GNG2: variants seen among roughly 807,000 people sequenced by gnomAD.
The protein encoded by GNG2 is guanine nucleotide-binding protein G(I)/G(S)/G(O) subunit gamma-2.
A neutral mutation model predicts 5.5 loss-of-function variants in GNG2; 5 were observed. That is an observed-to-expected ratio of 0.91 (90% CI 0.48 to 1.92). GNG2 has a LOEUF of 1.92. GNG2 is among the 30% of genes most tolerant of loss of function. The probability of loss-of-function intolerance (pLI) is 0.01; values close to 1 mark genes in which losing one functional copy is unlikely to be tolerated. For synonymous variants in GNG2, 28 were observed against 32.0 expected (o/e 0.88, Z 0.42); for missense variants, 55 against 88.4 (o/e 0.62, Z 1.52).
chr14:51,870,003 G>C (rs116717221), intron 1 of GNG2, among the ~76,000 whole-genome samples: 2,236 of 152,240 alleles, frequency 0.015, 65 homozygotes, highest in African/African-American at 0.051. Context: ...AAAAGGGTCT[G>C]GTTCTATTAG....
intron 2 of GNG2, among the ~76,000 whole-genome samples, chr14:51,852,863 G>A (rs549401886): frequency 4.6e-5 from 7 of 152,224 alleles, no homozygotes; most frequent in Admixed American, 1.3e-4. Context: ...AATTGACAAC[G>A]CTTTCCTTCA....
At chr14:51,864,341 G>T (rs1882727871) in intron 1 of GNG2, among the ~76,000 whole-genome samples, 1 of 151,966 alleles carries the variant, frequency 6.6e-6, no homozygotes, top group African/African-American at 2.4e-5. Flanking sequence ...CATATTCCTT[G>T]CTGATGTTTT....
intron 1 of GNG2, among the ~76,000 whole-genome samples, chr14:51,871,843 C>A (rs978754789): frequency 6.6e-6 from 1 of 152,164 alleles, no homozygotes; most frequent in Non-Finnish European, 1.5e-5. Flanking sequence ...TGGGTTTGTG[C>A]TGTTTGTTCA....
intron 3 of GNG2, among the ~76,000 whole-genome samples, chr14:51,959,675 A>T (rs1889476408): frequency 6.6e-6 from 1 of 151,984 alleles, no homozygotes; most frequent in South Asian, 2.1e-4. Flanking sequence ...TTAGAATGTA[A>T]GTCAATGGGT....
At chr14:51,914,535 G>T (rs1039020800) in intron 2 of GNG2, among the ~76,000 whole-genome samples, 1 of 152,186 alleles carries the variant, frequency 6.6e-6, no homozygotes, top group South Asian at 2.1e-4. Context: ...CGGCAGTTTT[G>T]TATCTATTTA....
intron 2 of GNG2, among the ~76,000 whole-genome samples, chr14:51,838,458 G>T (rs2884135): frequency 2.6e-5 from 4 of 151,744 alleles, no homozygotes; most frequent in Non-Finnish European, 5.9e-5. Context: ...AAAAAAGGGG[G>T]GGTTATTAAT....
chr14:51,963,648 G>A (rs991543109), intron 3 of GNG2, among the ~76,000 whole-genome samples: 5 of 152,192 alleles, frequency 3.3e-5, no homozygotes, highest in Non-Finnish European at 7.3e-5. Context: ...GCCCACATTT[G>A]AGTAGTTTAT....
chr14:51,935,021 C>CTTTTTTTTTTTTTTTTTTTT lies in GNG2; in HGVS notation c.-29-15626_-29-15625insTTTTTTTTTTTTTTTTTTTT, dbSNP rs1370410276. 1.8e-5 allele frequency among the ~76,000 whole-genome samples: 2 copies of CTTTTTTTTTTTTTTTTTTTT among 111,302 alleles called. 1 individual carries two copies. 73.0% of individuals were successfully genotyped at this position (111,302 alleles called of 152,430 possible). ...ATAGGTGGAAATTCCAGCCCAGTTT[C>CTTTTTTTTTTTTTTTTTTTT]TTTCTTTTTTTTTTTTTTTTGGAGA... is the stretch of plus-strand genomic sequence containing the variant. On this transcript the variant is annotated intron_variant, in intron 2 of 3. Transcript: ENST00000556766.
At chr14:51,859,438 G>A (rs1293270027), upstream of GNG2, among the ~76,000 whole-genome samples, 5 of 152,162 alleles carry the variant, frequency 3.3e-5, no homozygotes, top group African/African-American at 9.7e-5. Flanking sequence ...GTGAGGGTTC[G>A]GCTGCTGACT....
intron 2 of GNG2, among the ~76,000 whole-genome samples, chr14:51,933,602 G>A (rs966010947): frequency 1.3e-5 from 2 of 152,124 alleles, no homozygotes; most frequent in African/African-American, 4.8e-5. Context: ...TGCCAGAAAG[G>A]ACCAGGAAAA....
intron 2 of GNG2, among the ~76,000 whole-genome samples, chr14:51,892,044 TC>T (rs1157384380): frequency 6.6e-6 from 1 of 152,216 alleles, no homozygotes; most frequent in Non-Finnish European, 1.5e-5. Context: ...GTATAAGAGT[TC>T]CTCTTGCTCC....
chr14:51,836,856 C>CTTTTTTTTTTTTTTTTTTTTTTT lies in GNG2; in HGVS notation c.64+9068_64+9069insTTTTTTTTTTTTTTTTTTTTTTT, dbSNP rs369095215. Among the ~76,000 whole-genome samples, 5 of 130,676 alleles carry CTTTTTTTTTTTTTTTTTTTTTTT rather than the reference C, an allele frequency of 3.8e-5. 1 individual carries two copies. Among genetic ancestry groups the CTTTTTTTTTTTTTTTTTTTTTTT allele is most frequent in the Non-Finnish European group, 1.6e-5 (1 of 61,654 alleles). The allele number at this position is 130,676 out of a possible 152,430, so 85.7% of individuals were successfully genotyped here. On this transcript the variant is annotated intron_variant, in intron 2 of 3. Coordinates refer to the GNG2 transcript ENST00000553432. ...ATATTATGATTTTAAGTGACTTCAT[C>CTTTTTTTTTTTTTTTTTTTTTTT]TTTTTTTTTTTTTTTTTTTGAGACA...
In GNG2 at chr14:51,966,874, A is replaced by G. The variant is rs1487877720; in HGVS notation, c.*187A>G. The G allele has an allele frequency of 2.2e-6, 1 of 457,372 alleles. No homozygotes were observed. The highest frequency in any genetic ancestry group is 3.4e-5 in the Admixed American group (1 of 29,330). The allele number at this position is 457,372 out of a possible 1,614,324, so 28.3% of individuals were successfully genotyped here. On this transcript the variant is annotated 3_prime_UTR_variant, in exon 4 of 4. Transcript: ENST00000556766. ...AGAATGCAAGCCGATCCACATCCTG[A>G]CTTAAGAGATCTGATTCTGACGAAC...
intron 2 of GNG2, among the ~76,000 whole-genome samples, chr14:51,846,562 A>C (rs1466157675): frequency 1.6e-4 from 24 of 152,220 alleles, no homozygotes; most frequent in Admixed American, 1.6e-3. Flanking sequence ...ATTCTAAAAA[A>C]ATGTGTGTGC....
chr14:51,909,941 G>A (rs1244255217), intron 2 of GNG2, among the ~76,000 whole-genome samples: 2 of 152,146 alleles, frequency 1.3e-5, no homozygotes, highest in Non-Finnish European at 2.9e-5. Flanking sequence ...ACTGAGAAAA[G>A]AAATGCATTG....
rs544726169 is a variant in GNG2, at chr14:51,922,204, TATAAA to T, written c.-29-28444_-29-28440del. The stretch of plus-strand genomic sequence containing the variant: ...TGAAATAATGGAGATTATGCTTTCT[TATAAA>T]AGAGAGAGAAACTACTTTTTCTGTG... On this transcript the variant is annotated intron_variant, in intron 2 of 3. Coordinates refer to ENST00000556766, the MANE Select transcript of GNG2 (RefSeq NM_053064.5). 7.2e-4 allele frequency among the ~76,000 whole-genome samples: 110 copies of T among 152,000 alleles called. 1 individual carries two copies. Among genetic ancestry groups the T allele is most frequent in the South Asian group, 7.0e-3 (34 of 4,826 alleles).
intron 3 of GNG2, among the ~76,000 whole-genome samples, chr14:51,958,439 TC>T (rs11301974): frequency 0.39 from 52,174 of 132,582 alleles, 10,281 homozygotes; most frequent in Middle Eastern, 0.46. Context: ...TCTCTTCCGT[TC>T]CCCCCCCCCA....
intron 2 of GNG2, among the ~76,000 whole-genome samples, chr14:51,852,489 T>C (rs1200216418): frequency 6.6e-6 from 1 of 152,242 alleles, no homozygotes; most frequent in Non-Finnish European, 1.5e-5. Context: ...AAATGTGCAA[T>C]GATAATACAA....
upstream of GNG2, among the ~76,000 whole-genome samples, chr14:51,859,643 A>C (rs1227298014): frequency 1.3e-5 from 2 of 152,224 alleles, no homozygotes; most frequent in East Asian, 1.9e-4. Flanking sequence ...AGGCACATAG[A>C]TGTTAAATAA....
Sources: gnomAD v4.1 joint callset for allele counts (sites outside exome capture counted in the v4.1 genomes callset) on GRCh38, gnomAD v4.1.1 for gene constraint, MANE v1.5 for transcripts, NCBI Gene and HGNC (gene_info 2026-07-23, HGNC 2026-07-21) for gene names.